SENP7: variants seen among roughly 807,000 people sequenced by gnomAD.
SENP7 encodes the protein sentrin-specific protease 7.
In SENP7, 64 loss-of-function variants were observed where a neutral mutation model predicts 141.2. That is an observed-to-expected ratio of 0.45 (90% CI 0.37 to 0.56). The LOEUF is 0.56. Among genes scored for constraint, SENP7 ranks in the 20% least tolerant of loss-of-function variants. The pLI is 0.00. For synonymous variants in SENP7, 382 were observed against 426.4 expected, an observed-to-expected ratio of 0.90 and a Z score of 1.28; for missense variants, 1,025 against 1,212.2, an observed-to-expected ratio of 0.85 and a Z score of 2.29.
chr3:101,455,108 A>T (rs954083514), intron 4 of SENP7, among the ~76,000 whole-genome samples: 2 of 152,224 alleles, frequency 1.3e-5, no homozygotes, highest in Admixed American at 6.5e-5. Context: ...TAATACAAAC[A>T]TATGGAAACT....
intron 4 of SENP7, among the ~76,000 whole-genome samples, chr3:101,446,210 G>GC (rs1330185520): frequency 2.0e-5 from 3 of 152,158 alleles, no homozygotes; most frequent in Non-Finnish European, 4.4e-5. Flanking sequence ...TGCCATGATT[G>GC]TAAGTTTCCT....
intron 3 of SENP7, among the ~76,000 whole-genome samples, chr3:101,475,252 A>T (rs4683921): frequency 0.4 from 60,371 of 152,030 alleles, 12,510 homozygotes; most frequent in Admixed American, 0.54. Flanking sequence ...ATACATGCAC[A>T]CATATGTTCA....
rs557220233 is a variant in SENP7, at chr3:101,364,999, G to A, written c.1319-8C>T. ...CATCACTGGAAACAACAACTAAAACGGAAAAGAAAAATGTATTTTTGTTTA... is the reference window on the plus strand; with the variant it reads ...CATCACTGGAAACAACAACTAAAACAGAAAAGAAAAATGTATTTTTGTTTA... On this transcript the variant is annotated splice_polypyrimidine_tract_variant and splice_region_variant and intron_variant, in intron 9 of 23. Transcript: ENST00000394095. 1.7e-5 allele frequency: 25 copies of A among 1,458,012 alleles called. No homozygotes were observed. Among genetic ancestry groups the A allele is most frequent in the Admixed American group, 1.3e-4 (5 of 38,494 alleles). 90.3% of individuals were successfully genotyped at this position (1,458,012 alleles called of 1,614,324 possible). A position where few individuals can be genotyped will look rare whatever the true frequency, so the allele number is the denominator to read the frequency against.
intron 10 of SENP7, 97 bp downstream of exon 10, chr3:101,364,737 T>A: frequency 1.1e-6 from 1 of 913,106 alleles, no homozygotes; most frequent in East Asian, 3.0e-5. Context: ...AAATTTGTAA[T>A]TTTCATTACA....
At chr3:101,374,829 C>G (rs572803118) in intron 6 of SENP7, among the ~76,000 whole-genome samples, 7 of 145,706 alleles carry the variant, frequency 4.8e-5, no homozygotes, top group African/African-American at 1.8e-4. Context: ...AGTGAAAAGA[C>G]AACCCACAGA....
intron 1 of SENP7, among the ~76,000 whole-genome samples, chr3:101,505,106 A>C (rs567201921): frequency 6.6e-6 from 1 of 152,330 alleles, no homozygotes; most frequent in Admixed American, 6.5e-5. Flanking sequence ...CAGAAAGTCA[A>C]ATACCACATA....
At chr3:101,440,581 T>TAAAAAAAAA (rs58673443) in intron 4 of SENP7, among the ~76,000 whole-genome samples, 6 of 124,912 alleles carry the variant, frequency 4.8e-5, no homozygotes, top group African/African-American at 1.5e-4. Flanking sequence ...AAAAATAAAT[T>TAAAAAAAAA]AAAAAAAAAA....
At chr3:101,383,436 C>A (rs1365668727) in intron 6 of SENP7, among the ~76,000 whole-genome samples, 3 of 152,152 alleles carry the variant, frequency 2.0e-5, no homozygotes, top group African/African-American at 7.2e-5. Flanking sequence ...GTTGGAGGGG[C>A]GGGAGTCCTG....
intron 3 of SENP7, among the ~76,000 whole-genome samples, chr3:101,463,384 T>TATATATACAC (rs2063639638): frequency 1.1e-5 from 1 of 94,776 alleles, no homozygotes; most frequent in East Asian, 3.3e-4. Flanking sequence ...TATATATATA[T>TATATATACAC]ATATATATAT....
intron 20 of SENP7, among the ~76,000 whole-genome samples, chr3:101,329,425 C>T (rs957473701): frequency 2.0e-5 from 3 of 151,884 alleles, no homozygotes; most frequent in African/African-American, 7.3e-5. Context: ...AGTGACAGTT[C>T]GTATCAGTGA....
chr3:101,375,111 T>TAA (rs1164350386), intron 6 of SENP7, among the ~76,000 whole-genome samples: 1 of 152,014 alleles, frequency 6.6e-6, no homozygotes, highest in Non-Finnish European at 1.5e-5. Flanking sequence ...TTTTTTTCAT[T>TAA]AAAAAAAGTT....
At chr3:101,446,047 G>A (rs1304708679) in intron 4 of SENP7, among the ~76,000 whole-genome samples, 1 of 152,152 alleles carries the variant, frequency 6.6e-6, no homozygotes, top group African/African-American at 2.4e-5. Flanking sequence ...GAGGTGATTG[G>A]TTCGTGGGGG....
chr3:101,354,854 C>A (rs1288835429), intron 11 of SENP7, among the ~76,000 whole-genome samples: 1 of 151,944 alleles, frequency 6.6e-6, no homozygotes, highest in Non-Finnish European at 1.5e-5. Context: ...CATCCCCCAA[C>A]AAGTGTGTCC....
chr3:101,361,041 C>T (rs1165953868), intron 11 of SENP7, among the ~76,000 whole-genome samples: 1 of 151,812 alleles, frequency 6.6e-6, no homozygotes, highest in Non-Finnish European at 1.5e-5. Flanking sequence ...CCATCTCTAC[C>T]AAAAAATACA....
At chr3:101,506,799 T>C (rs2065634211) in intron 1 of SENP7, among the ~76,000 whole-genome samples, 2 of 152,198 alleles carry the variant, frequency 1.3e-5, no homozygotes, top group Admixed American at 6.5e-5. Flanking sequence ...ATGCCTATAA[T>C]CCCAGCACTT....
intron 4 of SENP7, among the ~76,000 whole-genome samples, chr3:101,452,920 G>C (rs1440391958): frequency 6.6e-6 from 1 of 152,262 alleles, no homozygotes. Flanking sequence ...CCATCAGAGT[G>C]AACAGGCAAC....
chr3:101,463,402 T>TAG (rs1553744835), intron 3 of SENP7, among the ~76,000 whole-genome samples: 1 of 101,248 alleles, frequency 9.9e-6, no homozygotes, highest in Non-Finnish European at 2.0e-5. Flanking sequence ...TATATACATA[T>TAG]ATATATATAT....
chr3:101,383,762 G>A (rs1456196012), intron 6 of SENP7, among the ~76,000 whole-genome samples: 4 of 152,234 alleles, frequency 2.6e-5, no homozygotes, highest in Non-Finnish European at 5.9e-5. Flanking sequence ...GTGTGGGCCT[G>A]CAGGCACCCC....
intron 4 of SENP7, among the ~76,000 whole-genome samples, chr3:101,422,903 A>G (rs2061833868): frequency 6.6e-6 from 1 of 152,322 alleles, no homozygotes; most frequent in South Asian, 2.1e-4. Flanking sequence ...ATTTTTCAAC[A>G]AAAGTAGTTT....
Sources: allele counts gnomAD v4.1 joint callset (sites outside exome capture counted in the v4.1 genomes callset), GRCh38; gene constraint gnomAD v4.1.1; transcripts MANE v1.5; gene names NCBI Gene and HGNC (gene_info 2026-07-23, HGNC 2026-07-21).